The following SDC2 variants were observed in gnomAD, a reference collection of about 807,000 sequenced individuals.
SDC2 encodes the protein syndecan 2.
In SDC2, 13 loss-of-function variants were observed where a neutral mutation model predicts 22.2. The observed-to-expected ratio is 0.59, with a 90% CI of 0.38 to 0.93. SDC2 has a LOEUF of 0.93. Ranked by LOEUF, SDC2 falls within the 40% of genes least tolerant of loss-of-function variation. SDC2 has a pLI of 0.00. For missense variants in SDC2, 235 were observed against 246.8 expected (o/e 0.95, Z 0.32); for synonymous variants, 94 against 92.8 (o/e 1.01, Z -0.07).
At chr8:96,572,441 G>C (rs1374043297) in intron 1 of SDC2, among the ~76,000 whole-genome samples, 1 of 152,122 alleles carries the variant, frequency 6.6e-6, no homozygotes, top group African/African-American at 2.4e-5. Context: ...CAGTCAAATG[G>C]TTCTAGTGGT....
At chr8:96,596,725 A>T (rs1814883387) in intron 2 of SDC2, among the ~76,000 whole-genome samples, 1 of 152,258 alleles carries the variant, frequency 6.6e-6, no homozygotes, top group Non-Finnish European at 1.5e-5. Flanking sequence ...TTCAGTGTGC[A>T]ACTAAATTGA....
At chr8:96,530,310 A>G (rs77848444) in intron 1 of SDC2, among the ~76,000 whole-genome samples, 2 of 152,322 alleles carry the variant, frequency 1.3e-5, no homozygotes, top group East Asian at 3.9e-4. Flanking sequence ...ACTTATAAAA[A>G]TCAGAATATA....
intron 2 of SDC2, among the ~76,000 whole-genome samples, chr8:96,594,300 C>T (rs974378253): frequency 3.9e-5 from 6 of 152,112 alleles, no homozygotes; most frequent in Non-Finnish European, 8.8e-5. Flanking sequence ...GGTCAGCTGC[C>T]GGTTGAGTGT....
At chr8:96,600,721 G>A (rs1814967239) in intron 2 of SDC2, among the ~76,000 whole-genome samples, 1 of 152,154 alleles carries the variant, frequency 6.6e-6, no homozygotes, top group East Asian at 1.9e-4. Flanking sequence ...CTGGTGTGTA[G>A]GAACAGAGGG....
intron 2 of SDC2, among the ~76,000 whole-genome samples, chr8:96,595,237 A>T (rs1333592773): frequency 6.6e-6 from 1 of 152,220 alleles, no homozygotes; most frequent in South Asian, 2.1e-4. Context: ...GGGCTTCAGA[A>T]TGACCCAGAA....
intron 1 of SDC2, among the ~76,000 whole-genome samples, chr8:96,548,476 T>C (rs775416585): frequency 2.8e-4 from 42 of 152,224 alleles, no homozygotes; most frequent in Non-Finnish European, 4.9e-4. Context: ...TCCCCAGACA[T>C]GAAGGGTCAA....
rs185793590 is a variant in SDC2, at chr8:96,605,668, T to G, written c.307-2667T>G. Among the ~76,000 whole-genome samples the G allele has an allele frequency of 2.7e-3, 416 of 152,284 alleles. 2 individuals carry two copies. The highest frequency in any genetic ancestry group is 9.6e-3 in the African/African-American group (399 of 41,554). ...TTTTGTAAGTCATGGCAGGTTGAAGTTTAGGTAGTACAGGGTTTCTTGCAA... is the reference window on the plus strand; with the variant it reads ...TTTTGTAAGTCATGGCAGGTTGAAGGTTAGGTAGTACAGGGTTTCTTGCAA... On this transcript the variant is annotated intron_variant, in intron 3 of 4. Transcript: ENST00000302190.
intron 1 of SDC2, among the ~76,000 whole-genome samples, chr8:96,521,249 C>A (rs1273470837): frequency 1.3e-5 from 2 of 152,222 alleles, no homozygotes; most frequent in Non-Finnish European, 2.9e-5. Context: ...TTCTTATAGA[C>A]TGTCCAGGGA....
At chr8:96,589,623 C>T (rs1814744753) in intron 1 of SDC2, among the ~76,000 whole-genome samples, 1 of 152,192 alleles carries the variant, frequency 6.6e-6, no homozygotes, top group South Asian at 2.1e-4. Context: ...GTTGGCCAGG[C>T]TGGTCTCAAA....
intron 2 of SDC2, among the ~76,000 whole-genome samples, chr8:96,598,584 C>T (rs1411624589): frequency 2.6e-5 from 4 of 152,074 alleles, no homozygotes; most frequent in Non-Finnish European, 5.9e-5. Context: ...CACTATTGCA[C>T]TCCAGTCTGG....
intron 1 of SDC2, among the ~76,000 whole-genome samples, chr8:96,567,440 G>A (rs1814318445): frequency 6.6e-6 from 1 of 152,184 alleles, no homozygotes; most frequent in South Asian, 2.1e-4. Flanking sequence ...TAGGATTTTA[G>A]TGCATTTGTC....
intron 2 of SDC2, among the ~76,000 whole-genome samples, chr8:96,595,372 A>G (rs1029257287): frequency 6.6e-6 from 1 of 152,234 alleles, no homozygotes; most frequent in South Asian, 2.1e-4. Flanking sequence ...CAATGAGCTT[A>G]CAATGCAGTC....
chr8:96,518,457 T>C (rs766410106), intron 1 of SDC2, among the ~76,000 whole-genome samples: 57 of 151,458 alleles, frequency 3.8e-4, no homozygotes, highest in Non-Finnish European at 7.2e-4. Flanking sequence ...GCCTCCCAGG[T>C]TCACGTCATT....
At chr8:96,529,315 T>C (rs1317977116) in intron 1 of SDC2, 1 of 152,240 alleles carries the variant, frequency 6.6e-6, no homozygotes, top group Non-Finnish European at 1.5e-5. Flanking sequence ...AAAATGTTAT[T>C]AGTAATTATC....
At chr8:96,587,912 C>T (rs1320055927) in intron 1 of SDC2, among the ~76,000 whole-genome samples, 1 of 152,072 alleles carries the variant, frequency 6.6e-6, no homozygotes, top group Non-Finnish European at 1.5e-5. Flanking sequence ...ATTTTGAGGT[C>T]CCAAGTCCCT....
At chr8:96,576,361 GTAGT>G (rs1814491498) in intron 1 of SDC2, among the ~76,000 whole-genome samples, 1 of 55,858 alleles carries the variant, frequency 1.8e-5, no homozygotes, top group Admixed American at 1.7e-4. Flanking sequence ...TCAATAATTG[GTAGT>G]TTGTTTTTGT....
At chr8:96,557,811 A>G (rs1250081509) in intron 1 of SDC2, among the ~76,000 whole-genome samples, 1 of 152,194 alleles carries the variant, frequency 6.6e-6, no homozygotes, top group Non-Finnish European at 1.5e-5. Flanking sequence ...TTCTTGCTGA[A>G]CAGTATTTTT....
rs1365314008 is a variant in SDC2 at position 96,548,066 on chromosome 8, G to T, written c.61-45414G>T. On this transcript the variant is annotated intron_variant, in intron 1 of 4. Transcript: ENST00000302190. ...GCGTGAGCCACCACGCCAAGTCCTT[G>T]ATTGATTTTCTTAACCCCTTGATGG... 2.6e-5 allele frequency among the ~76,000 whole-genome samples: 4 copies of T among 152,236 alleles called. No homozygotes were observed. The East Asian group carries it at 7.7e-4, about 29-fold the overall frequency.
chr8:96,583,685 A>G (rs1049018316), intron 1 of SDC2, among the ~76,000 whole-genome samples: 23 of 142,616 alleles, frequency 1.6e-4, no homozygotes, highest in Admixed American at 4.3e-4. Flanking sequence ...TTTGAAATAT[A>G]TGTGTGTGTG....
Sources: gnomAD v4.1 joint callset for allele counts (sites outside exome capture counted in the v4.1 genomes callset) on GRCh38, gnomAD v4.1.1 for gene constraint, MANE v1.5 for transcripts, NCBI Gene and HGNC (gene_info 2026-07-23, HGNC 2026-07-21) for gene names.